The following EPHA4 variants were observed in gnomAD, a reference collection of about 807,000 sequenced individuals.
EPHA4 encodes ephrin type-A receptor 4.
In EPHA4, 19 loss-of-function variants were observed where a neutral mutation model predicts 108.3. That is an observed-to-expected ratio of 0.18 (90% confidence interval 0.12 to 0.26). The LOEUF is 0.26. EPHA4 is among the 10% of genes least tolerant of loss of function. The probability of loss-of-function intolerance (pLI) is 1.00; values close to 1 mark genes in which losing one functional copy is unlikely to be tolerated. For missense variants in EPHA4, 917 were observed against 1,254.0 expected (o/e 0.73, Z 4.06); for synonymous variants, 449 against 455.5 (o/e 0.99, Z 0.18).
chr2:221,457,700 A>G (rs1011785863), intron 6 of EPHA4, among the ~76,000 whole-genome samples, 166 bp downstream of exon 6: 5 of 152,042 alleles, frequency 3.3e-5, no homozygotes, highest in African/African-American at 1.2e-4. Flanking sequence ...ACAACTGGCT[A>G]ACCCTTAAAC....
intron 3 of EPHA4, among the ~76,000 whole-genome samples, chr2:221,528,219 T>C (rs1693401462): frequency 6.6e-6 from 1 of 152,202 alleles, no homozygotes; most frequent in East Asian, 1.9e-4. Flanking sequence ...ATTAGCATTG[T>C]GGGAGAATGT....
chr2:221,422,141 A>G (rs1157849671), intron 17 of EPHA4: 1 of 152,128 alleles, frequency 6.6e-6, no homozygotes, highest in Non-Finnish European at 1.5e-5. Context: ...CGACATGAAC[A>G]TGAATGTTAT....
chr2:221,502,450 G>A, intron 3 of EPHA4: 1 of 466,376 alleles, frequency 2.1e-6, no homozygotes, highest in Non-Finnish European at 4.4e-6. Flanking sequence ...CAGCAGTGGG[G>A]AGAAGGACCT....
chr2:221,507,166 G>A (rs1241734839), intron 3 of EPHA4, among the ~76,000 whole-genome samples: 1 of 152,148 alleles, frequency 6.6e-6, no homozygotes, highest in Non-Finnish European at 1.5e-5. Flanking sequence ...CCTTTCTGGA[G>A]CATACTAGGA....
chr2:221,517,564 GCGAGCCGGGAGT>G (rs751083987), intron 3 of EPHA4, among the ~76,000 whole-genome samples: 47 of 152,086 alleles, frequency 3.1e-4, no homozygotes, highest in Non-Finnish European at 5.7e-4. Context: ...GTGGAGGAGG[GCGAGCCGGGAGT>G]CGAGAGTTCC....
chr2:221,572,332 A>G (rs890855688), upstream of EPHA4: 7 of 1,279,634 alleles, frequency 5.5e-6, no homozygotes, highest in South Asian at 1.3e-5. Flanking sequence ...GGCTGAAGAC[A>G]TTGCCAAGGG....
At position 221,457,963 on chromosome 2, in the gene EPHA4, G is replaced by A; in HGVS notation, c.1346C>T (p.Ala449Val). The A allele has an allele frequency of 6.2e-7, 1 of 1,613,472 alleles. No individual in the cohort carries two copies. The highest frequency in any genetic ancestry group is 8.5e-7 in the Non-Finnish European group (1 of 1,179,582). Residue 449 changes from alanine to valine, a missense_variant, in exon 6 of 18, where the codon GCT becomes GTT. Ala to Val is a moderately conservative substitution (Grantham distance 64, BLOSUM62 0). Transcript: ENST00000281821. ...CACACTGTATCTTGTGACTTCTTTAGCCTGGACCAAAGCAATGGATGATGG... is the reference window on the plus strand; with the variant it reads ...CACACTGTATCTTGTGACTTCTTTAACCTGGACCAAAGCAATGGATGATGG... ...AAPSSIALVQ[A>V]KEVTRYSVAL...
intron 3 of EPHA4, among the ~76,000 whole-genome samples, chr2:221,502,354 C>A (rs555854946): frequency 6.6e-6 from 1 of 152,150 alleles, no homozygotes; most frequent in Non-Finnish European, 1.5e-5. Context: ...AGAAAATGTG[C>A]CAGTAACCCA....
chr2:221,512,192 G>T (rs1348660958), intron 3 of EPHA4, among the ~76,000 whole-genome samples: 1 of 152,096 alleles, frequency 6.6e-6, no homozygotes, highest in African/African-American at 2.4e-5. Context: ...ATATGCTGAA[G>T]TTTATATTAG....
At chr2:221,570,550 G>A (rs1272595869) in intron 1 of EPHA4, among the ~76,000 whole-genome samples, 1 of 152,094 alleles carries the variant, frequency 6.6e-6, no homozygotes, top group Non-Finnish European at 1.5e-5. Context: ...AGATCCAGAG[G>A]GCGAGAGAGG....
Position 221,571,386 on chromosome 2 carries a change from G to A in EPHA4, c.91+772C>T, listed in dbSNP as rs926393964. Among the ~76,000 whole-genome samples, 2 of 138,154 alleles carry A rather than the reference G, an allele frequency of 1.4e-5. No homozygotes were observed. The highest frequency in any genetic ancestry group is 3.1e-5 in the Non-Finnish European group (2 of 64,846). 90.6% of individuals were successfully genotyped at this position (138,154 alleles called of 152,430 possible). On this transcript the variant is annotated intron_variant, in intron 1 of 17. Transcript: ENST00000281821. The surrounding 1 kb of genome is among the most constrained non-coding windows in gnomAD (Gnocchi z 6.3). ...TACAATCCTCCCAGCACGTCCGAAC[G>A]GATGCACAGAAAACTGAGCACCCAG...
At chr2:221,532,499 TG>T (rs1418464579) in intron 3 of EPHA4, among the ~76,000 whole-genome samples, 1 of 152,246 alleles carries the variant, frequency 6.6e-6, no homozygotes, top group Non-Finnish European at 1.5e-5. Context: ...TTCTGATTAC[TG>T]GCCATTTTAA....
intron 9 of EPHA4, among the ~76,000 whole-genome samples, chr2:221,445,275 C>T (rs887433535): frequency 6.6e-6 from 1 of 152,142 alleles, no homozygotes; most frequent in Admixed American, 6.5e-5. Context: ...CCTGGATAGT[C>T]ACCAACCACT....
intron 11 of EPHA4, among the ~76,000 whole-genome samples, chr2:221,441,454 G>T (rs1047825243): frequency 6.6e-6 from 1 of 151,766 alleles, no homozygotes; most frequent in Non-Finnish European, 1.5e-5. Context: ...CCCCTTTCCA[G>T]CTCCCCATCC....
At chr2:221,543,070 T>G (rs1473527566) in intron 3 of EPHA4, among the ~76,000 whole-genome samples, 1 of 152,212 alleles carries the variant, frequency 6.6e-6, no homozygotes, top group African/African-American at 2.4e-5. Context: ...GTCTCAAAAC[T>G]GAGCCTTTTT....
chr2:221,549,977 T>C (rs1220794486), intron 3 of EPHA4, among the ~76,000 whole-genome samples: 2 of 152,112 alleles, frequency 1.3e-5, no homozygotes, highest in Non-Finnish European at 2.9e-5. Flanking sequence ...TGAGACTCCA[T>C]CTCAAACAAA....
At position 221,568,739 on chromosome 2, in the gene EPHA4, T is replaced by C; in HGVS notation, c.138A>G (p.Ile46Met). ...SRSVQGELGW[I>M]ASPLEGGWEE... ...TTACCCCTCCTTCCAGAGGGCTTGC[T>C]ATCCACCCAAGTTCTCCCTGAACAG... is the stretch of plus-strand genomic sequence containing the variant. The change falls in exon 2 of 18, where the codon ATA becomes ATG. Residue 46 changes from isoleucine to methionine, a missense_variant. Ile to Met is a conservative substitution (Grantham distance 10, BLOSUM62 1). Coordinates refer to ENST00000281821, the MANE Select transcript of EPHA4 (RefSeq NM_004438.5). 2.5e-6 allele frequency: 4 copies of C among 1,613,878 alleles called. No homozygotes were observed. Among genetic ancestry groups the C allele is most frequent in the Non-Finnish European group, 3.4e-6 (4 of 1,179,912 alleles).
chr2:221,531,172 C>T (rs1039381611), intron 3 of EPHA4, among the ~76,000 whole-genome samples: 1 of 152,114 alleles, frequency 6.6e-6, no homozygotes, highest in East Asian at 1.9e-4. Context: ...ATTGAAACTG[C>T]AGAATTAGGT....
chr2:221,423,013 C>T (rs114789265), intron 17 of EPHA4, among the ~76,000 whole-genome samples: 1 of 152,154 alleles, frequency 6.6e-6, no homozygotes, highest in Non-Finnish European at 1.5e-5. Flanking sequence ...TGTGTGACCC[C>T]CCTACCACTG....
Sources: gnomAD v4.1 joint callset for allele counts (sites outside exome capture counted in the v4.1 genomes callset) on GRCh38, gnomAD v4.1.1 for gene constraint, Gnocchi (gnomAD v3.1) non-coding constraint, MANE v1.5 for transcripts, NCBI Gene and HGNC (gene_info 2026-07-23, HGNC 2026-07-21) for gene names.